SLC39A11: variants seen among roughly 807,000 people sequenced by gnomAD.
The protein encoded by SLC39A11 is zinc transporter ZIP11.
Under a neutral mutation model 36.1 loss-of-function variants are expected in SLC39A11, and 33 were observed. The observed-to-expected ratio is 0.91, with a 90% CI of 0.69 to 1.22. The LOEUF (loss-of-function observed/expected upper bound fraction) is 1.22, where lower values mean the gene tolerates loss of function less well. Among genes scored for constraint, SLC39A11 ranks in the 50% most tolerant of loss-of-function variants. The pLI is 0.00. For missense variants in SLC39A11, 432 were observed against 430.3 expected (o/e 1.00, Z -0.03); for synonymous variants, 166 against 170.3 (o/e 0.97, Z 0.20).
intron 5 of SLC39A11, among the ~76,000 whole-genome samples, chr17:72,911,131 A>T (rs371211276): frequency 6.6e-6 from 1 of 152,078 alleles, no homozygotes; most frequent in Non-Finnish European, 1.5e-5. Context: ...CTGTACACAT[A>T]AAATAAAATA....
At chr17:73,027,965 T>C (rs1006018975) in intron 4 of SLC39A11, among the ~76,000 whole-genome samples, 1 of 152,174 alleles carries the variant, frequency 6.6e-6, no homozygotes, top group African/African-American at 2.4e-5. Flanking sequence ...CCCCAGGGGA[T>C]AGAAAGGAGA....
intron 7 of SLC39A11, among the ~76,000 whole-genome samples, chr17:72,700,143 C>A (rs990018287): frequency 6.6e-6 from 1 of 152,172 alleles, no homozygotes; most frequent in Non-Finnish European, 1.5e-5. Context: ...CTGCTGGCTT[C>A]TTTGGCGGGA....
intron 4 of SLC39A11, among the ~76,000 whole-genome samples, chr17:72,968,060 A>C (rs1432504075): frequency 1.3e-5 from 2 of 151,912 alleles, no homozygotes; most frequent in South Asian, 2.1e-4. Flanking sequence ...ATCATCCTGC[A>C]TCCCGGCCTG....
rs537105291 is a variant in SLC39A11, at chr17:72,853,680, C to T, written c.431-3876G>A. 1.1e-4 allele frequency among the ~76,000 whole-genome samples: 16 copies of T among 152,236 alleles called. No individual in the cohort carries two copies. In the East Asian group the frequency reaches 2.9e-3, roughly 28 times the overall value. On this transcript the variant is annotated intron_variant, in intron 5 of 9. Transcript: ENST00000255559. Reference sequence around the variant, plus strand: ...GAAACAGGAGGGTGTGAATGCCTCACGTCCTTGTGAAAGTTAAATAAGCCA... The same window carrying T: ...GAAACAGGAGGGTGTGAATGCCTCATGTCCTTGTGAAAGTTAAATAAGCCA...
chr17:73,080,568 G>A (rs971299789), intron 3 of SLC39A11, among the ~76,000 whole-genome samples: 4 of 152,166 alleles, frequency 2.6e-5, no homozygotes, highest in African/African-American at 9.7e-5. Flanking sequence ...TCTAGACATT[G>A]ACTTAGGCAA....
At chr17:73,024,178 T>A (rs1390602932) in intron 4 of SLC39A11, among the ~76,000 whole-genome samples, 1 of 152,200 alleles carries the variant, frequency 6.6e-6, no homozygotes, top group Non-Finnish European at 1.5e-5. Context: ...GCCACCCTCT[T>A]CAGATGGCAC....
intron 6 of SLC39A11, among the ~76,000 whole-genome samples, chr17:72,771,509 C>T (rs949578840): frequency 2.0e-5 from 3 of 152,100 alleles, no homozygotes; most frequent in Admixed American, 2.0e-4. Flanking sequence ...CCTGGCCCTC[C>T]AGGCTCACCT....
chr17:72,789,060 G>A (rs1371330457), intron 6 of SLC39A11, among the ~76,000 whole-genome samples: 1 of 150,996 alleles, frequency 6.6e-6, no homozygotes, highest in African/African-American at 2.4e-5. Flanking sequence ...TTTTGAGATG[G>A]AGTCTCATTC....
At chr17:72,998,716 C>A (rs1209999938) in intron 4 of SLC39A11, among the ~76,000 whole-genome samples, 1 of 152,244 alleles carries the variant, frequency 6.6e-6, no homozygotes, top group Non-Finnish European at 1.5e-5. Context: ...TTGACACATG[C>A]AGCTGCTTTG....
chr17:72,976,190 A>G lies in SLC39A11; in HGVS notation c.307-28315T>C, dbSNP rs2087837173. Among the ~76,000 whole-genome samples, 3 of 151,186 alleles carry G rather than the reference A, an allele frequency of 2.0e-5. No individual in the cohort carries two copies. In the South Asian group the frequency reaches 6.2e-4, roughly 31 times the overall value. On this transcript the variant is annotated intron_variant, in intron 4 of 9. Coordinates refer to ENST00000255559, the MANE Select transcript of SLC39A11 (RefSeq NM_139177.4). ...ATCTCAAAAAAAAAAAAAAAAAAAAAAAGGCAAATAATGTCTTAGCATTCT... is the reference window on the plus strand; with the variant it reads ...ATCTCAAAAAAAAAAAAAAAAAAAAGAAGGCAAATAATGTCTTAGCATTCT...
intron 3 of SLC39A11, among the ~76,000 whole-genome samples, chr17:73,066,807 C>T (rs935695005): frequency 6.6e-6 from 1 of 152,238 alleles, no homozygotes; most frequent in African/African-American, 2.4e-5. Flanking sequence ...AGTGCCCAGA[C>T]ACCAGTTCTA....
intron 6 of SLC39A11, among the ~76,000 whole-genome samples, chr17:72,790,221 C>T (rs2567520): frequency 0.64 from 97,607 of 152,058 alleles, 32,264 homozygotes; most frequent in Non-Finnish European, 0.74. Flanking sequence ...CACTGGTACA[C>T]ACCCCCAGCC....
chr17:72,668,144 G>A (rs2070838608), intron 7 of SLC39A11, among the ~76,000 whole-genome samples: 1 of 151,828 alleles, frequency 6.6e-6, no homozygotes, highest in African/African-American at 2.4e-5. Flanking sequence ...CAATGTGAAA[G>A]ATTTCTATAA....
chr17:72,680,600 G>T (rs968260055), intron 7 of SLC39A11, among the ~76,000 whole-genome samples: 1 of 152,236 alleles, frequency 6.6e-6, no homozygotes, highest in African/African-American at 2.4e-5. Context: ...CCCCAGCCAT[G>T]TGGAACTGTG....
intron 7 of SLC39A11, among the ~76,000 whole-genome samples, chr17:72,723,564 A>G (rs2073797007): frequency 6.6e-6 from 1 of 152,152 alleles, no homozygotes; most frequent in Non-Finnish European, 1.5e-5. Context: ...AAGAGTGCTA[A>G]CTTCAGAACA....
chr17:72,923,209 T>C (rs1379156953), intron 5 of SLC39A11, among the ~76,000 whole-genome samples: 1 of 152,068 alleles, frequency 6.6e-6, no homozygotes, highest in African/African-American at 2.4e-5. Context: ...ATACACTGTG[T>C]GGGGCTATGG....
intron 3 of SLC39A11, among the ~76,000 whole-genome samples, chr17:73,045,846 G>A (rs554021574): frequency 9.2e-5 from 14 of 152,194 alleles, no homozygotes; most frequent in African/African-American, 3.4e-4. Flanking sequence ...TCACCAGCTG[G>A]TCATCAAGAG....
chr17:72,988,531 A>G (rs2088930408), intron 4 of SLC39A11, among the ~76,000 whole-genome samples: 1 of 152,164 alleles, frequency 6.6e-6, no homozygotes, highest in Admixed American at 6.5e-5. Context: ...CTACTGTGCT[A>G]TCAAATAGTA....
At chr17:72,669,873 C>CATATACACGTATAGATGTATATACACAT (rs2070918521) in intron 7 of SLC39A11, among the ~76,000 whole-genome samples, 1 of 151,520 alleles carries the variant, frequency 6.6e-6, no homozygotes, top group Non-Finnish European at 1.5e-5. Context: ...CGTATATATA[C>CATATACACGTATAGATGTATATACACAT]ATATACACGT....
Sources: allele counts gnomAD v4.1 joint callset (sites outside exome capture counted in the v4.1 genomes callset), GRCh38; gene constraint gnomAD v4.1.1; transcripts MANE v1.5; gene names NCBI Gene and HGNC (gene_info 2026-07-23, HGNC 2026-07-21).